Variants in DGKD observed in about 807,000 individuals in gnomAD.
DGKD encodes the protein DAG kinase delta.
DGKD carries 68 observed loss-of-function variants against 154.4 expected under a neutral mutation model. The observed-to-expected ratio is 0.44, with a 90% CI of 0.36 to 0.54. The LOEUF (loss-of-function observed/expected upper bound fraction) is 0.54, where lower values mean the gene tolerates loss of function less well. Ranked by LOEUF, DGKD falls within the 20% of genes least tolerant of loss-of-function variation. The pLI is 0.00. For synonymous variants in DGKD, 693 were observed against 638.0 expected (o/e 1.09, Z -1.30); for missense variants, 1,343 against 1,593.6 (o/e 0.84, Z 2.68).
At chr2:233,446,997 A>G (rs951365025) in intron 12 of DGKD, among the ~76,000 whole-genome samples, 1 of 151,946 alleles carries the variant, frequency 6.6e-6, no homozygotes, top group Non-Finnish European at 1.5e-5. Flanking sequence ...GGGCTTTGTG[A>G]CCCTCTAGGG....
intron 3 of DGKD, among the ~76,000 whole-genome samples, chr2:233,416,474 G>T (rs1392549251): frequency 6.6e-6 from 1 of 152,172 alleles, no homozygotes; most frequent in East Asian, 1.9e-4. Context: ...CAAAAAAGTG[G>T]ATGGTAGTGT....
intron 1 of DGKD, among the ~76,000 whole-genome samples, chr2:233,386,437 C>T (rs928233908): frequency 1.4e-4 from 22 of 152,048 alleles, no homozygotes; most frequent in Admixed American, 3.9e-4. Context: ...TGGTTTATAT[C>T]CTCGCTACCA....
At chr2:233,464,389 C>A in intron 27 of DGKD, 106 bp downstream of exon 27, 3 of 1,452,872 alleles carry the variant, frequency 2.1e-6, no homozygotes, top group South Asian at 1.3e-5. Flanking sequence ...AAGATCGTGT[C>A]GCTCCGGCAG....
chr2:233,459,831 G>A lies in DGKD; in HGVS notation c.2769G>A (p.Gln923=). The A allele has an allele frequency of 6.2e-7, 1 of 1,614,128 alleles. No homozygotes were observed. The highest frequency in any genetic ancestry group is 8.5e-7 in the Non-Finnish European group (1 of 1,180,012). The change falls in exon 23 of 30, where the codon CAG becomes CAA. Residue 923 remains glutamine, a synonymous_variant. Transcript: ENST00000264057. The surrounding 1 kb of genome is among the most constrained non-coding windows in gnomAD (Gnocchi z 5.7). ...AGGTGGACGGAGAGGCCTGGGTCCA[G>A]CCGCCAGGGTACATTCGGATTGTCC... ...PVQVDGEAWV[Q]PPGYIRIVHK...
rs1449033794 is a variant in DGKD, at chr2:233,471,580, C to T, written c.*2120C>T. 4 of 152,386 alleles carry T rather than the reference C, an allele frequency of 2.6e-5. No individual in the cohort carries two copies. In the South Asian group the frequency reaches 8.3e-4, roughly 32 times the overall value. The allele number at this position is 152,386 out of a possible 1,614,324, so 9.4% of individuals were successfully genotyped here. On this transcript the variant is annotated 3_prime_UTR_variant, in exon 30 of 30. Coordinates refer to ENST00000264057, the MANE Select transcript of DGKD (RefSeq NM_152879.3). ...GAGGATAAACAGCTGACTGTGGCTTCAAGGACATCAGGGCCACCCCAAGTC... is the reference window on the plus strand; with the variant it reads ...GAGGATAAACAGCTGACTGTGGCTTTAAGGACATCAGGGCCACCCCAAGTC...
chr2:233,355,619 C>T lies in DGKD; in HGVS notation c.156+945C>T, dbSNP rs116686041. Among the ~76,000 whole-genome samples, 754 of 152,334 alleles carry T rather than the reference C, an allele frequency of 4.9e-3. 10 individuals carry two copies. The highest frequency in any genetic ancestry group is 0.017 in the African/African-American group (711 of 41,580). ...CTTCTCTTCTGTCAGCCTTTGATAC[C>T]TGCGATGGGGGAACCTGAGGTCCTA... On this transcript the variant is annotated intron_variant, in intron 1 of 29. Transcript: ENST00000264057.
intron 1 of DGKD, among the ~76,000 whole-genome samples, chr2:233,382,087 T>G (rs1297834239): frequency 6.6e-6 from 1 of 151,870 alleles, no homozygotes; most frequent in Non-Finnish European, 1.5e-5. Flanking sequence ...TACAAAAAAT[T>G]AACCAGGCAT....
At chr2:233,451,366 G>A (rs1375515795) in intron 17 of DGKD, among the ~76,000 whole-genome samples, 4 of 152,166 alleles carry the variant, frequency 2.6e-5, no homozygotes, top group African/African-American at 9.7e-5. Context: ...TGGCCGGCCT[G>A]ATGAGGGAAC....
At chr2:233,384,530 G>A (rs1033988815) in intron 1 of DGKD, among the ~76,000 whole-genome samples, 2 of 152,072 alleles carry the variant, frequency 1.3e-5, no homozygotes, top group Non-Finnish European at 2.9e-5. Flanking sequence ...CTCGAGGCCC[G>A]CAGAGTCAGC....
At chr2:233,361,236 C>T (rs538650985) in intron 1 of DGKD, among the ~76,000 whole-genome samples, 6 of 152,282 alleles carry the variant, frequency 3.9e-5, no homozygotes, top group South Asian at 2.1e-4. Flanking sequence ...CCAAGGAATG[C>T]GCAGGAGCCA....
chr2:233,461,961 G>C (rs1180770095), intron 24 of DGKD, among the ~76,000 whole-genome samples: 1 of 152,202 alleles, frequency 6.6e-6, no homozygotes. Flanking sequence ...TTGTCCCCAG[G>C]GACAGACCGG....
At chr2:233,417,106 C>A (rs1312195160) in intron 3 of DGKD, among the ~76,000 whole-genome samples, 2 of 152,196 alleles carry the variant, frequency 1.3e-5, no homozygotes, top group African/African-American at 4.8e-5. Flanking sequence ...GATCACAGCT[C>A]ATTGCAACCT....
chr2:233,398,427 G>A (rs2061477164), intron 3 of DGKD, among the ~76,000 whole-genome samples: 1 of 152,020 alleles, frequency 6.6e-6, no homozygotes, highest in African/African-American at 2.4e-5. Context: ...TTAAAGGTGT[G>A]AGCCACCGCG....
chr2:233,448,984 G>A (rs2063177975), intron 14 of DGKD, 119 bp from the exon 15 acceptor site: 1 of 1,302,072 alleles, frequency 7.7e-7, no homozygotes, highest in Admixed American at 2.3e-5. Context: ...GGCGTGGAGA[G>A]TTAGGATTTT....
intron 3 of DGKD, among the ~76,000 whole-genome samples, chr2:233,425,280 G>A (rs916322835): frequency 3.3e-5 from 5 of 152,086 alleles, no homozygotes; most frequent in African/African-American, 7.2e-5. Context: ...TCCACCTGCC[G>A]GGTTCACGCC....
In DGKD at chr2:233,438,901, G is replaced by C. The variant is rs764023826; in HGVS notation, c.1085+522G>C. Among the ~76,000 whole-genome samples the C allele has an allele frequency of 2.0e-5, 3 of 152,186 alleles. No homozygotes were observed. Among genetic ancestry groups the C allele is most frequent in the Non-Finnish European group, 2.9e-5 (2 of 68,032 alleles). On this transcript the variant is annotated intron_variant, in intron 9 of 29. Coordinates refer to ENST00000264057, the MANE Select transcript of DGKD (RefSeq NM_152879.3). The surrounding 1 kb of genome is among the most constrained non-coding windows in gnomAD (Gnocchi z 4.1). ...AGCTGTCCTGCAGCGAGGCCAGGAG[G>C]AGTGTTTGCTGAGAGGCACAGGAGG...
At chr2:233,467,908 G>T (rs1384424091) in intron 28 of DGKD, among the ~76,000 whole-genome samples, 1 of 152,186 alleles carries the variant, frequency 6.6e-6, no homozygotes, top group African/African-American at 2.4e-5. Flanking sequence ...TGAAATCTCT[G>T]CTCGTTTCCT....
intron 1 of DGKD, among the ~76,000 whole-genome samples, chr2:233,385,643 G>T (rs1474483747): frequency 6.6e-6 from 1 of 152,154 alleles, no homozygotes; most frequent in Non-Finnish European, 1.5e-5. Flanking sequence ...GAGAGGCCTC[G>T]TCAGCCTAGC....
chr2:233,465,852 A>C (rs910093496), intron 27 of DGKD, among the ~76,000 whole-genome samples: 2 of 151,894 alleles, frequency 1.3e-5, no homozygotes, highest in African/African-American at 4.8e-5. Context: ...TTTTTTTCTC[A>C]TACTCCTAAT....
Sources: allele counts gnomAD v4.1 joint callset (sites outside exome capture counted in the v4.1 genomes callset), GRCh38; gene constraint gnomAD v4.1.1; non-coding constraint Gnocchi (gnomAD v3.1); transcripts MANE v1.5; gene names NCBI Gene and HGNC (gene_info 2026-07-23, HGNC 2026-07-21).